The following ACOXL variants were observed in gnomAD, a reference collection of about 807,000 sequenced individuals.
ACOXL encodes the protein acyl-CoA oxidase like.
In ACOXL, 70 loss-of-function variants were observed where a neutral mutation model predicts 71.9. The observed-to-expected ratio is 0.97, with a 90% CI of 0.80 to 1.19. ACOXL has a LOEUF of 1.19. ACOXL is among the 50% of genes most tolerant of loss of function. ACOXL has a pLI of 0.00. For missense variants in ACOXL, 703 were observed against 736.3 expected (o/e 0.95, Z 0.52); for synonymous variants, 253 against 281.6 (o/e 0.90, Z 1.02).
intron 1 of ACOXL, among the ~76,000 whole-genome samples, chr2:110,748,401 G>T (rs527758707): frequency 6.6e-6 from 1 of 152,292 alleles, no homozygotes; most frequent in Non-Finnish European, 1.5e-5. Flanking sequence ...TGGTGCAGGG[G>T]ATCTTTTCTT....
chr2:110,877,310 G>A (rs772467906), intron 10 of ACOXL, among the ~76,000 whole-genome samples: 7 of 152,218 alleles, frequency 4.6e-5, no homozygotes, highest in African/African-American at 1.7e-4. Context: ...GCAGCAGGGC[G>A]TCTCTAGTCT....
At chr2:110,907,315 TGAAA>T (rs1335188412) in intron 10 of ACOXL, among the ~76,000 whole-genome samples, 3 of 152,238 alleles carry the variant, frequency 2.0e-5, no homozygotes, top group Non-Finnish European at 4.4e-5. Flanking sequence ...AATTGCCTCC[TGAAA>T]GCCCTATCTC....
At chr2:111,052,507 C>G (rs1349164133) in intron 16 of ACOXL, among the ~76,000 whole-genome samples, 1 of 152,094 alleles carries the variant, frequency 6.6e-6, no homozygotes, top group African/African-American at 2.4e-5. Flanking sequence ...AAGTAACAGA[C>G]CCTGCAGACC....
intron 9 of ACOXL, among the ~76,000 whole-genome samples, chr2:110,808,328 A>T (rs1686916683): frequency 6.6e-6 from 1 of 152,180 alleles, no homozygotes; most frequent in South Asian, 2.1e-4. Context: ...CACAGTAGCT[A>T]GGTCCTACCC....
At chr2:110,785,518 C>A (rs1362082296) in intron 3 of ACOXL, among the ~76,000 whole-genome samples, 2 of 152,010 alleles carry the variant, frequency 1.3e-5, no homozygotes, top group South Asian at 4.2e-4. Context: ...TTCATTTGGC[C>A]TCCATTCCAC....
chr2:110,741,487 A>G (rs1677527898), intron 1 of ACOXL, among the ~76,000 whole-genome samples: 1 of 152,216 alleles, frequency 6.6e-6, no homozygotes, highest in African/African-American at 2.4e-5. Context: ...AGCGGGGGAC[A>G]CTATTCAGCT....
intron 1 of ACOXL, among the ~76,000 whole-genome samples, chr2:110,766,931 A>G (rs1299930674): frequency 1.3e-5 from 2 of 151,722 alleles, no homozygotes; most frequent in Non-Finnish European, 2.9e-5. Context: ...TCTGCAAGAC[A>G]AGAGGTGGAA....
At chr2:110,846,152 A>G (rs2148901225) in intron 10 of ACOXL, among the ~76,000 whole-genome samples, 1 of 152,218 alleles carries the variant, frequency 6.6e-6, no homozygotes, top group South Asian at 2.1e-4. Context: ...CTAAGACCAG[A>G]TTTGGAATTT....
chr2:110,736,387 C>A (rs1306433159), intron 1 of ACOXL, among the ~76,000 whole-genome samples: 1 of 152,158 alleles, frequency 6.6e-6, no homozygotes, highest in Non-Finnish European at 1.5e-5. Context: ...ACTCCCCACT[C>A]CCCTCTTCCC....
chr2:110,912,066 A>G (rs1338613099), intron 11 of ACOXL, among the ~76,000 whole-genome samples: 2 of 152,120 alleles, frequency 1.3e-5, no homozygotes, highest in African/African-American at 2.4e-5. Flanking sequence ...GCAATGAATA[A>G]TCCAAAAATC....
chr2:110,856,547 G>A (rs1318032847), intron 10 of ACOXL, among the ~76,000 whole-genome samples: 2 of 152,200 alleles, frequency 1.3e-5, no homozygotes, highest in Non-Finnish European at 2.9e-5. Context: ...CATATGCTGC[G>A]GTTGCTAAGA....
At chr2:110,814,649 A>G (rs1344236936) in intron 9 of ACOXL, among the ~76,000 whole-genome samples, 2 of 152,178 alleles carry the variant, frequency 1.3e-5, no homozygotes, top group East Asian at 1.9e-4. Context: ...TTATTGTTAT[A>G]AGTTTGTGTG....
intron 12 of ACOXL, chr2:110,963,531 G>T: frequency 7.1e-7 from 1 of 1,398,906 alleles, no homozygotes; most frequent in South Asian, 1.9e-5. Context: ...AAGAAAATGT[G>T]AGTCCTATGT....
At chr2:110,895,546 A>G (rs563786298) in intron 10 of ACOXL, among the ~76,000 whole-genome samples, 8 of 152,278 alleles carry the variant, frequency 5.3e-5, no homozygotes, top group South Asian at 2.1e-4. Flanking sequence ...GACAAAAGAC[A>G]TATCTATCGA....
chr2:111,017,291 G>T (rs547834222), intron 14 of ACOXL, among the ~76,000 whole-genome samples: 1 of 152,342 alleles, frequency 6.6e-6, no homozygotes, highest in African/African-American at 2.4e-5. Context: ...ACAGACATTT[G>T]TTGAGTTCCT....
chr2:110,840,437 C>A (rs1164604624), intron 9 of ACOXL, among the ~76,000 whole-genome samples: 1 of 152,180 alleles, frequency 6.6e-6, no homozygotes, highest in African/African-American at 2.4e-5. Flanking sequence ...CACACGCATA[C>A]ACACACAGAG....
chr2:110,825,152 C>T (rs935750220), intron 9 of ACOXL, among the ~76,000 whole-genome samples: 3 of 152,194 alleles, frequency 2.0e-5, no homozygotes, highest in African/African-American at 7.2e-5. Flanking sequence ...GGATCTACTT[C>T]TTCTAACCTT....
At chr2:110,786,123 T>G (rs944859610) in intron 3 of ACOXL, among the ~76,000 whole-genome samples, 1 of 152,150 alleles carries the variant, frequency 6.6e-6, no homozygotes, top group African/African-American at 2.4e-5. Flanking sequence ...GGGCCCTCCT[T>G]TCCCTCCCTG....
Position 110,768,491 on chromosome 2 carries a change from G to GT in ACOXL, c.75+29dup, listed in dbSNP as rs780634847. 2.0e-6 allele frequency: 3 copies of GT among 1,512,064 alleles called. No homozygotes were observed. In the South Asian group the frequency reaches 3.4e-5, roughly 17 times the overall value. The allele number at this position is 1,512,064 out of a possible 1,614,324, so 93.7% of individuals were successfully genotyped here. On this transcript the variant is annotated intron_variant, in intron 2 of 17. Coordinates refer to ENST00000439055, the MANE Select transcript of ACOXL (RefSeq NM_001142807.4). ...TAAGTGTCATTATTATTCTGGTATG[G>GT]TTGTGTGTGTGTGTGTGTGTGTGAG...
Sources: allele counts gnomAD v4.1 joint callset (sites outside exome capture counted in the v4.1 genomes callset), GRCh38; gene constraint gnomAD v4.1.1; transcripts MANE v1.5; gene names NCBI Gene and HGNC (gene_info 2026-07-23, HGNC 2026-07-21).